The following MGAM2 variants were observed in gnomAD, a reference collection of about 807,000 sequenced individuals.
MGAM2 encodes the protein maltase-glucoamylase 2 (putative).
Under a neutral mutation model 96.1 loss-of-function variants are expected in MGAM2, and 98 were observed. The ratio of observed to expected loss-of-function variants is 1.02; its 90% CI spans 0.87 to 1.21. MGAM2 has a LOEUF of 1.21. MGAM2 is among the 50% of genes most tolerant of loss of function. The probability of loss-of-function intolerance (pLI) is 0.00; values close to 1 mark genes in which losing one functional copy is unlikely to be tolerated. For missense variants in MGAM2, 2,055 were observed against 1,182.4 expected (o/e 1.74, Z -10.82); for synonymous variants, 749 against 414.8 (o/e 1.81, Z -9.79).
In MGAM2 at chr7:142,204,712, C is replaced by A. The variant is rs1203304047; in HGVS notation, c.5138-3861C>A. The stretch of plus-strand genomic sequence containing the variant: ...ATTAATATGTAAAGTAAATAAAACT[C>A]TATTCTAAACATTTAATATGAGCTA... On this transcript the variant is annotated intron_variant, in intron 45 of 47. Transcript: ENST00000477922. Among the ~76,000 whole-genome samples the A allele has an allele frequency of 3.9e-5, 6 of 151,922 alleles. No individual in the cohort carries two copies. The East Asian group carries it at 9.6e-4, about 24-fold the overall frequency.
intron 45 of MGAM2, among the ~76,000 whole-genome samples, chr7:142,206,775 T>A (rs1050566684): frequency 2.6e-5 from 4 of 152,188 alleles, no homozygotes; most frequent in African/African-American, 4.8e-5. Flanking sequence ...AAAATTCAAA[T>A]TCAGACTACT....
intron 1 of MGAM2, among the ~76,000 whole-genome samples, chr7:142,112,584 C>T (rs1817210584): frequency 6.6e-6 from 1 of 152,066 alleles, no homozygotes; most frequent in Non-Finnish European, 1.5e-5. Flanking sequence ...CCTGAAATTC[C>T]ACCATTGGAG....
At chr7:142,122,572 C>T (rs1366542654) in intron 3 of MGAM2, among the ~76,000 whole-genome samples, 1 of 152,178 alleles carries the variant, frequency 6.6e-6, no homozygotes, top group African/African-American at 2.4e-5. Context: ...TTATCTCCAC[C>T]TTAGTTTAGT....
intron 32 of MGAM2, among the ~76,000 whole-genome samples, chr7:142,177,874 G>T (rs1796423368): frequency 6.6e-6 from 1 of 152,122 alleles, no homozygotes. Flanking sequence ...TTTTCCTTAG[G>T]GTATATACCC....
At chr7:142,195,113 G>A (rs1012827056) in intron 37 of MGAM2, among the ~76,000 whole-genome samples, 24 of 151,992 alleles carry the variant, frequency 1.6e-4, no homozygotes, top group Non-Finnish European at 1.5e-5. Context: ...CTTTTATTTG[G>A]ATCCCAGATC....
In MGAM2 at chr7:142,161,114, C is replaced by G; in HGVS notation, c.2346-11C>G. Reference sequence around the variant, plus strand: ...CTACATTCTCTGAAACTGGGAAGTACTCTTTTACAGCCGGAGGAATTCCCT... The same window carrying G: ...CTACATTCTCTGAAACTGGGAAGTAGTCTTTTACAGCCGGAGGAATTCCCT... On this transcript the variant is annotated splice_polypyrimidine_tract_variant and intron_variant, in intron 21 of 47. Transcript: ENST00000477922. 1 of 702,188 alleles carries G rather than the reference C, an allele frequency of 1.4e-6. No individual in the cohort carries two copies. Among genetic ancestry groups the G allele is most frequent in the Admixed American group, 2.0e-5 (1 of 49,992 alleles). 43.5% of individuals were successfully genotyped at this position (702,188 alleles called of 1,614,324 possible).
intron 3 of MGAM2, among the ~76,000 whole-genome samples, chr7:142,122,068 A>G (rs1226902995): frequency 2.6e-5 from 4 of 152,180 alleles, no homozygotes; most frequent in Admixed American, 6.5e-5. Context: ...AAGAAATGGA[A>G]AATGGATTTT....
At chr7:142,208,478 C>G in intron 45 of MGAM2, 95 bp from the exon 46 acceptor site, 1 of 681,072 alleles carries the variant, frequency 1.5e-6, no homozygotes, top group Non-Finnish European at 2.7e-6. Flanking sequence ...TAACTGTGAC[C>G]CCATTGAGAG....
Position 142,120,260 on chromosome 7 carries a change from T to C in MGAM2, c.107-42T>C, listed in dbSNP as rs773082599. ...CTGGCTTCCTTCCTGGAGCTGTGAT[T>C]ACACTACACATTTTCAACTTTATCC... On this transcript the variant is annotated intron_variant, in intron 2 of 47. Transcript: ENST00000477922. 7.3e-5 allele frequency: 51 copies of C among 700,644 alleles called. 2 individuals are homozygous for C. The highest frequency in any genetic ancestry group is 7.3e-4 in the South Asian group (49 of 67,362). The allele number at this position is 700,644 out of a possible 1,614,324, so 43.4% of individuals were successfully genotyped here.
At chr7:142,217,100 A>G (rs1200872927) in intron 46 of MGAM2, among the ~76,000 whole-genome samples, 3 of 152,068 alleles carry the variant, frequency 2.0e-5, no homozygotes, top group Non-Finnish European at 2.9e-5. Flanking sequence ...TCTTCCTCCC[A>G]TGTAATTTTT....
At position 142,148,290 on chromosome 7, in the gene MGAM2, A is replaced by G. The variant is rs1042737509; in HGVS notation, c.1634+717A>G. ...CCCCACCACCACAATCACTATCACC[A>G]TCACCACCACCCACCATGACCACCA... On this transcript the variant is annotated intron_variant, in intron 15 of 47. Transcript: ENST00000477922. This position sits in a 1 kb window ranked among gnomAD's most constrained non-coding sequence, Gnocchi z 4.2. Among the ~76,000 whole-genome samples, 1 of 151,038 alleles carries G rather than the reference A, an allele frequency of 6.6e-6. No individual in the cohort carries two copies. The highest frequency in any genetic ancestry group is 2.4e-5 in the African/African-American group (1 of 41,078).
intron 33 of MGAM2, among the ~76,000 whole-genome samples, chr7:142,184,032 G>T (rs1356673207): frequency 7.7e-6 from 1 of 130,040 alleles, no homozygotes; most frequent in East Asian, 2.4e-4. Flanking sequence ...GAGTGCAGTG[G>T]TATGATCTTG....
chr7:142,198,121 G>A lies in MGAM2; in HGVS notation c.4867-18G>A, dbSNP rs938020935. On this transcript the variant is annotated intron_variant, in intron 42 of 47. Transcript: ENST00000477922. ...TTTTTTGAAATATTCATAATGACATGTCAATTTTATGTTTCAGAGCACATT... is the reference window on the plus strand; with the variant it reads ...TTTTTTGAAATATTCATAATGACATATCAATTTTATGTTTCAGAGCACATT... 1 of 701,466 alleles carries A rather than the reference G, an allele frequency of 1.4e-6. No homozygotes were observed. Among genetic ancestry groups the A allele is most frequent in the East Asian group, 2.7e-5 (1 of 37,246 alleles). The allele number at this position is 701,466 out of a possible 1,614,324, so 43.5% of individuals were successfully genotyped here.
rs767561489 is a variant in MGAM2, at chr7:142,141,040, A to T, written c.1238A>T (p.Asn413Ile). The T allele has an allele frequency of 1.4e-6, 1 of 698,720 alleles. No homozygotes were observed. Among genetic ancestry groups the T allele is most frequent in the South Asian group, 1.5e-5 (1 of 65,582 alleles). 43.3% of individuals were successfully genotyped at this position (698,720 alleles called of 1,614,324 possible). A position where few individuals can be genotyped will look rare whatever the true frequency, so the allele number is the denominator to read the frequency against. ...TATTAGAATCCTGGCATCTCCAAAA[A>T]CTCTAACTACGAGCCCTATAATAAT... ...LIIMNPGISKNSNYEPYNNGS... is the reference protein window; with the variant it reads ...LIIMNPGISKISNYEPYNNGS... The change falls in exon 12 of 48, where the codon AAC becomes ATC. Residue 413 changes from asparagine to isoleucine, a missense_variant. Coordinates refer to ENST00000477922, the MANE Select transcript of MGAM2 (RefSeq NM_001293626.2).
At chr7:142,214,289 T>G (rs1368015994) in intron 46 of MGAM2, among the ~76,000 whole-genome samples, 1 of 152,186 alleles carries the variant, frequency 6.6e-6, no homozygotes, top group African/African-American at 2.4e-5. Context: ...TTCAGCATAG[T>G]ATTGGAAGTT....
chr7:142,185,936 G>A (rs1367178021), intron 34 of MGAM2, 53 bp from the exon 35 acceptor site: 1 of 679,854 alleles, frequency 1.5e-6, no homozygotes, highest in African/African-American at 1.8e-5. Context: ...CCCATTTGTG[G>A]TCTCCTGTAT....
chr7:142,177,515 C>G (rs1796414311), intron 32 of MGAM2, among the ~76,000 whole-genome samples: 1 of 152,068 alleles, frequency 6.6e-6, no homozygotes, highest in Non-Finnish European at 1.5e-5. Flanking sequence ...ACCCTTGCCC[C>G]ACTCCCTCCC....
chr7:142,206,983 CAAGACTAAATTTTA>C (rs1263195241), intron 45 of MGAM2, among the ~76,000 whole-genome samples: 2 of 151,960 alleles, frequency 1.3e-5, no homozygotes, highest in Non-Finnish European at 2.9e-5. Context: ...ATTTTCTAGC[CAAGACTAAATTTTA>C]AAATATGAGT....
intron 25 of MGAM2, 91 bp from the exon 26 acceptor site, chr7:142,167,177 A>G (rs1479138474): frequency 1.6e-6 from 1 of 606,362 alleles, no homozygotes; most frequent in Non-Finnish European, 3.0e-6. Context: ...ACATGGTATT[A>G]GAGACTTAGT....
Sources: allele counts gnomAD v4.1 joint callset (sites outside exome capture counted in the v4.1 genomes callset), GRCh38; gene constraint gnomAD v4.1.1; non-coding constraint Gnocchi (gnomAD v3.1); transcripts MANE v1.5; gene names NCBI Gene and HGNC (gene_info 2026-07-23, HGNC 2026-07-21).